Variants in RALGPS2 observed in about 807,000 individuals in gnomAD.
RALGPS2 encodes the protein ras-specific guanine nucleotide-releasing factor RalGPS2.
RALGPS2 carries 43 observed loss-of-function variants against 86.8 expected under a neutral mutation model. That is an observed-to-expected ratio of 0.50 (90% CI 0.39 to 0.64). The LOEUF (loss-of-function observed/expected upper bound fraction) is 0.64, where lower values mean the gene tolerates loss of function less well. RALGPS2 is among the 30% of genes least tolerant of loss of function. The pLI is 0.00. For missense variants in RALGPS2, 536 were observed against 694.6 expected (o/e 0.77, Z 2.57); for synonymous variants, 243 against 231.3 (o/e 1.05, Z -0.46).
At chr1:178,741,440 A>T (rs1367957372) in intron 1 of RALGPS2, among the ~76,000 whole-genome samples, 1 of 152,212 alleles carries the variant, frequency 6.6e-6, no homozygotes, top group Non-Finnish European at 1.5e-5. Flanking sequence ...AATGAAGCTA[A>T]GGAGGAGGTC....
At chr1:178,839,958 A>C (rs897764031) in intron 8 of RALGPS2, among the ~76,000 whole-genome samples, 2 of 152,248 alleles carry the variant, frequency 1.3e-5, no homozygotes, top group African/African-American at 4.8e-5. Context: ...TAACTATCCT[A>C]AATATATATG....
intron 19 of RALGPS2, among the ~76,000 whole-genome samples, chr1:178,909,719 G>A (rs1167905762): frequency 7.0e-6 from 1 of 143,470 alleles, no homozygotes; most frequent in African/African-American, 2.6e-5. Flanking sequence ...GCGCGGTCTC[G>A]GCTCATTGCA....
At chr1:178,783,738 C>G (rs1471763045) in intron 2 of RALGPS2, among the ~76,000 whole-genome samples, 2 of 152,072 alleles carry the variant, frequency 1.3e-5, no homozygotes, top group Non-Finnish European at 2.9e-5. Flanking sequence ...CTGAATTTAG[C>G]CAGCTGATAC....
At chr1:178,777,872 C>G (rs1284966407) in intron 2 of RALGPS2, among the ~76,000 whole-genome samples, 2 of 144,842 alleles carry the variant, frequency 1.4e-5, no homozygotes, top group South Asian at 4.5e-4. Context: ...CCCTTCCTTA[C>G]ACCTTATACA....
At chr1:178,883,328 G>T in intron 10 of RALGPS2, 138 bp from the exon 11 acceptor site, 1 of 625,166 alleles carries the variant, frequency 1.6e-6, no homozygotes, top group Non-Finnish European at 2.8e-6. Context: ...GAAGAAGATT[G>T]CTCTTGAAGA....
In RALGPS2 at chr1:178,856,394, A is replaced by ATTTTTTTTTTTTTTTTTTTTT. The variant is rs71108081; in HGVS notation, c.608-21092_608-21072dup. 1.4e-4 allele frequency among the ~76,000 whole-genome samples: 5 copies of ATTTTTTTTTTTTTTTTTTTTT among 36,430 alleles called. 1 individual carries two copies. Among genetic ancestry groups the ATTTTTTTTTTTTTTTTTTTTT allele is most frequent in the African/African-American group, 5.8e-4 (4 of 6,866 alleles). The allele number at this position is 36,430 out of a possible 152,430, so 23.9% of individuals were successfully genotyped here. A position where few individuals can be genotyped will look rare whatever the true frequency, so the allele number is the denominator to read the frequency against. On this transcript the variant is annotated intron_variant, in intron 8 of 19. Transcript: ENST00000367635. ...AGGCAAGTGCCACCCTGCCTGGCTA[A>ATTTTTTTTTTTTTTTTTTTTT]TTTTTTTTTTTTTTTTTTTTTTTTT... is the stretch of plus-strand genomic sequence containing the variant.
intron 2 of RALGPS2, among the ~76,000 whole-genome samples, chr1:178,782,510 A>C (rs1653442163): frequency 6.6e-6 from 1 of 152,076 alleles, no homozygotes. Flanking sequence ...CCTCAACTTG[A>C]AGCCCCTCTA....
chr1:178,730,809 C>T (rs1218684516), intron 1 of RALGPS2, among the ~76,000 whole-genome samples: 1 of 151,240 alleles, frequency 6.6e-6, no homozygotes, highest in Non-Finnish European at 1.5e-5. Flanking sequence ...TTAAGCGATT[C>T]TCCTGCCTCA....
chr1:178,839,953 A>G (rs12751156), intron 8 of RALGPS2, among the ~76,000 whole-genome samples: 35,928 of 152,078 alleles, frequency 0.24, 4,961 homozygotes, highest in Non-Finnish European at 0.32. Context: ...AGAGCTAACT[A>G]TCCTAAATAT....
At chr1:178,849,502 G>A (rs1657041763) in intron 8 of RALGPS2, among the ~76,000 whole-genome samples, 1 of 152,144 alleles carries the variant, frequency 6.6e-6, no homozygotes, top group African/African-American at 2.4e-5. Context: ...ATAAAGTTTT[G>A]GGTGTTTAAA....
Position 178,865,963 on chromosome 1 carries a change from A to G in RALGPS2, c.608-11535A>G, listed in dbSNP as rs563909607. Among the ~76,000 whole-genome samples, 6 of 152,338 alleles carry G rather than the reference A, an allele frequency of 3.9e-5. No homozygotes were observed. The South Asian group carries it at 1.2e-3, about 32-fold the overall frequency. ...ACTTTATTAATTTCTTAAATTTAAT[A>G]TTAAGTTGTAATACTTTGGCATTTG... On this transcript the variant is annotated intron_variant, in intron 8 of 19. Coordinates refer to ENST00000367635, the MANE Select transcript of RALGPS2 (RefSeq NM_152663.5).
intron 10 of RALGPS2, 99 bp downstream of exon 10, chr1:178,879,091 C>T (rs950978424): frequency 2.4e-5 from 35 of 1,477,574 alleles, no homozygotes; most frequent in Non-Finnish European, 3.1e-5. Context: ...TGGTATCATA[C>T]AAAGGACTAA....
Position 178,798,916 on chromosome 1 carries a change from T to A in RALGPS2, c.214-9129T>A, listed in dbSNP as rs578258663. On this transcript the variant is annotated intron_variant, in intron 4 of 19. Coordinates refer to ENST00000367635, the MANE Select transcript of RALGPS2 (RefSeq NM_152663.5). Reference sequence around the variant, plus strand: ...TGGTTTGATAATTTTAGAAAGAAGTTTTGCTTAAAAATTGTCAGGATAACA... The same window carrying A: ...TGGTTTGATAATTTTAGAAAGAAGTATTGCTTAAAAATTGTCAGGATAACA... Among the ~76,000 whole-genome samples the A allele has an allele frequency of 3.3e-5, 5 of 152,202 alleles. No homozygotes were observed. In the East Asian group the frequency reaches 9.6e-4, roughly 29 times the overall value.
Position 178,780,420 on chromosome 1 carries a change from C to T in RALGPS2, c.57+3599C>T, listed in dbSNP as rs1653333878. Among the ~76,000 whole-genome samples the T allele has an allele frequency of 5.9e-5, 9 of 152,160 alleles. No individual in the cohort carries two copies. The South Asian group carries it at 1.9e-3, about 32-fold the overall frequency. ...GTTGCACTTATATTTTCTGTTGTTT[C>T]TGATCCTTCAACTGAAATTTAAGTT... On this transcript the variant is annotated intron_variant, in intron 2 of 19. Transcript: ENST00000367635.
intron 8 of RALGPS2, among the ~76,000 whole-genome samples, chr1:178,863,195 CACAAGAGA>C (rs1658151996): frequency 3.3e-5 from 5 of 152,082 alleles, no homozygotes; most frequent in Admixed American, 2.6e-4. Flanking sequence ...GGGACATGCA[CACAAGAGA>C]CCAAAAAGGG....
At chr1:178,779,922 T>C (rs552105022) in intron 2 of RALGPS2, among the ~76,000 whole-genome samples, 1 of 152,230 alleles carries the variant, frequency 6.6e-6, no homozygotes, top group Admixed American at 6.5e-5. Context: ...TTAGTAGAGA[T>C]GGGGTTTCAC....
At chr1:178,878,293 A>G (rs1048042258) in intron 9 of RALGPS2, among the ~76,000 whole-genome samples, 1 of 152,122 alleles carries the variant, frequency 6.6e-6, no homozygotes, top group Non-Finnish European at 1.5e-5. Context: ...CATAATTTTT[A>G]TGGGTTAAAA....
intron 4 of RALGPS2, among the ~76,000 whole-genome samples, chr1:178,788,568 G>A (rs1653781370): frequency 6.6e-6 from 1 of 152,194 alleles, no homozygotes; most frequent in Non-Finnish European, 1.5e-5. Context: ...CAAGCCATAT[G>A]AGTGTTTGGG....
chr1:178,807,696 T>G (rs1654807131), intron 4 of RALGPS2, among the ~76,000 whole-genome samples: 1 of 152,184 alleles, frequency 6.6e-6, no homozygotes, highest in African/African-American at 2.4e-5. Context: ...GAAAGCTGAT[T>G]GGGAGCTCTG....
Sources: allele counts gnomAD v4.1 joint callset (sites outside exome capture counted in the v4.1 genomes callset), GRCh38; gene constraint gnomAD v4.1.1; transcripts MANE v1.5; gene names NCBI Gene and HGNC (gene_info 2026-07-23, HGNC 2026-07-21).